OMA1: variants seen among roughly 807,000 people sequenced by gnomAD.
The protein encoded by OMA1 is metalloendopeptidase OMA1, mitochondrial.
OMA1 carries 38 observed loss-of-function variants against 30.9 expected under a neutral mutation model. The ratio of observed to expected loss-of-function variants is 1.23; its 90% CI spans 0.95 to 1.61. The LOEUF is 1.61. Among genes scored for constraint, OMA1 ranks in the 40% most tolerant of loss-of-function variants. OMA1 has a pLI of 0.00. For missense variants in OMA1, 461 were observed against 349.2 expected, an observed-to-expected ratio of 1.32 and a Z score of -2.55; for synonymous variants, 173 against 121.9, an observed-to-expected ratio of 1.42 and a Z score of -2.76.
Position 58,534,210 on chromosome 1 carries a change from T to C in OMA1, c.851A>G (p.Asn284Ser), listed in dbSNP as rs147173743. Residue 284 changes from asparagine (N) to serine (S), a missense_variant, in exon 4 of 9, where the codon AAT (asparagine) becomes AGT (serine). Asn to Ser is a conservative substitution (Grantham distance 46). Transcript: ENST00000371226. ...NKDVPGISQI[N>S]WVIHVVDSPI... Reference sequence around the variant, plus strand: ...GGAATCAACCACATGAATAACCCAATTGATCTGAGAGATCCCTGGAACATC... The same window carrying C: ...GGAATCAACCACATGAATAACCCAACTGATCTGAGAGATCCCTGGAACATC... The C allele has an allele frequency of 2.9e-5, 25 of 871,974 alleles. No individual in the cohort carries two copies. The highest frequency in any genetic ancestry group is 4.0e-5 in the Non-Finnish European group (20 of 501,482). The allele number at this position is 871,974 out of a possible 1,614,324, so 54.0% of individuals were successfully genotyped here. A position where few individuals can be genotyped will look rare whatever the true frequency, so the allele number is the denominator to read the frequency against.
In OMA1 at chr1:58,483,822, T is replaced by C. The variant is rs1171410789; in HGVS notation, c.1366-2648A>G. 2.0e-5 allele frequency among the ~76,000 whole-genome samples: 3 copies of C among 152,350 alleles called. No individual in the cohort carries two copies. The East Asian group carries it at 5.8e-4, about 29-fold the overall frequency. ...CAAAATTGGGACGTACGGTCACTCTTGCATTAGTTCCTTTACAATGATGTT... is the reference window on the plus strand; with the variant it reads ...CAAAATTGGGACGTACGGTCACTCTCGCATTAGTTCCTTTACAATGATGTT... On this transcript the variant is annotated intron_variant, in intron 8 of 8. Transcript: ENST00000371226.
chr1:58,487,701 T>C (rs977802359), intron 8 of OMA1, among the ~76,000 whole-genome samples: 2 of 152,002 alleles, frequency 1.3e-5, no homozygotes, highest in Non-Finnish European at 2.9e-5. Context: ...ATTTAGTAAT[T>C]TGTAATTTGT....
intron 8 of OMA1, among the ~76,000 whole-genome samples, chr1:58,487,337 C>T (rs767806301): frequency 6.6e-6 from 1 of 152,198 alleles, no homozygotes; most frequent in African/African-American, 2.4e-5. Context: ...GCTGCTCATG[C>T]ATTTGAGGAT....
At position 58,539,047 on chromosome 1, in the gene OMA1, G is replaced by C. The variant is rs747870985; in HGVS notation, c.248C>G (p.Ser83Ter). 3 of 872,860 alleles carry C rather than the reference G, an allele frequency of 3.4e-6. No homozygotes were observed. The highest frequency in any genetic ancestry group is 6.0e-6 in the Non-Finnish European group (3 of 501,632). 54.1% of individuals were successfully genotyped at this position (872,860 alleles called of 1,614,324 possible). The change falls in exon 2 of 9, where the codon TCA (serine) becomes TGA (stop). Residue 83 changes from serine to a stop codon, truncating the protein, a stop_gained. Transcript: ENST00000371226. LOFTEE classifies it high-confidence loss of function. Reference sequence around the variant, plus strand: ...CCAAATTTCCTTACTTTTGGTACTTGAGAGGCCTCCTGTTCTTTTGTTGTT... The same window carrying C: ...CCAAATTTCCTTACTTTTGGTACTTCAGAGGCCTCCTGTTCTTTTGTTGTT... ...TFNNKRTGGLSSTKSKEIWRI... is the reference protein window; with the variant it reads ...TFNNKRTGGL
At chr1:58,486,319 T>C (rs1336577369) in intron 8 of OMA1, among the ~76,000 whole-genome samples, 1 of 152,186 alleles carries the variant, frequency 6.6e-6, no homozygotes, top group East Asian at 1.9e-4. Flanking sequence ...TTTCTCCAAG[T>C]TACATGGCTG....
chr1:58,540,022 T>C (rs980898063), intron 1 of OMA1, among the ~76,000 whole-genome samples: 1 of 152,134 alleles, frequency 6.6e-6, no homozygotes, highest in Non-Finnish European at 1.5e-5. Context: ...GAAAATTCCC[T>C]GGAGCTGGGA....
chr1:58,533,975 G>A lies in OMA1; in HGVS notation c.989C>T (p.Ala330Val), dbSNP rs1404645553. 1 of 871,970 alleles carries A rather than the reference G, an allele frequency of 1.1e-6. No homozygotes were observed. Among genetic ancestry groups the A allele is most frequent in the East Asian group, 2.4e-5 (1 of 41,640 alleles). The allele number at this position is 871,970 out of a possible 1,614,324, so 54.0% of individuals were successfully genotyped here. A position where few individuals can be genotyped will look rare whatever the true frequency, so the allele number is the denominator to read the frequency against. ...QLSFLLGHEI[A>V]HAVLGHAAEK... Reference sequence around the variant, plus strand: ...TACAGCATGCCCAAGTACTGCATGTGCTATTTCATGGCCCAGAAGGAAAGA... The same window carrying A: ...TACAGCATGCCCAAGTACTGCATGTACTATTTCATGGCCCAGAAGGAAAGA... The change falls in exon 5 of 9, where the codon GCA becomes GTA. Residue 330 changes from alanine to valine, a missense_variant. Transcript: ENST00000371226.
chr1:58,483,083 C>T (rs909353838), intron 8 of OMA1, among the ~76,000 whole-genome samples: 3 of 152,188 alleles, frequency 2.0e-5, no homozygotes, highest in African/African-American at 7.2e-5. Context: ...AGTCCAGGTA[C>T]AAAACTAGAA....
intron 8 of OMA1, 60 bp downstream of exon 8, chr1:58,506,000 A>T: frequency 2.6e-6 from 2 of 779,978 alleles, no homozygotes; most frequent in Middle Eastern, 5.0e-4. Context: ...AAGAAGTGAC[A>T]GCATTAAAAA....
chr1:58,520,546 A>T (rs1488487195), intron 7 of OMA1, among the ~76,000 whole-genome samples: 2 of 152,240 alleles, frequency 1.3e-5, no homozygotes, highest in African/African-American at 2.4e-5. Context: ...AAAAAGGGCA[A>T]AGATAAAAAC....
intron 1 of OMA1, among the ~76,000 whole-genome samples, chr1:58,544,994 C>A (rs375012163): frequency 5.3e-5 from 8 of 152,122 alleles, no homozygotes; most frequent in Non-Finnish European, 1.0e-4. Context: ...TACTGCACTG[C>A]GAAGTGTTGG....
At chr1:58,536,052 AT>A (rs1413455485) in intron 3 of OMA1, among the ~76,000 whole-genome samples, 3 of 152,330 alleles carry the variant, frequency 2.0e-5, no homozygotes, top group African/African-American at 4.8e-5. Flanking sequence ...AATCAAAAAA[AT>A]AATTATGCAA....
At chr1:58,496,179 T>C (rs978000698) in intron 8 of OMA1, among the ~76,000 whole-genome samples, 4 of 151,948 alleles carry the variant, frequency 2.6e-5, no homozygotes, top group Admixed American at 1.3e-4. Flanking sequence ...CTTTTTTTTT[T>C]TGGCTTTGGG....
chr1:58,523,792 G>A (rs543069846), intron 7 of OMA1, among the ~76,000 whole-genome samples: 6 of 152,180 alleles, frequency 3.9e-5, no homozygotes, highest in African/African-American at 1.2e-4. Context: ...CCAGCTACTC[G>A]GGAGGCTGAG....
intron 8 of OMA1, among the ~76,000 whole-genome samples, chr1:58,488,459 CT>C (rs529647379): frequency 3.3e-5 from 5 of 151,072 alleles, no homozygotes; most frequent in East Asian, 1.9e-4. Context: ...AATGTGTAGT[CT>C]TTTTTTTTGA....
intron 8 of OMA1, among the ~76,000 whole-genome samples, chr1:58,499,827 T>A (rs1645877451): frequency 6.6e-6 from 1 of 151,492 alleles, no homozygotes; most frequent in Non-Finnish European, 1.5e-5. Context: ...AAAAAAAAAC[T>A]GGCTATATTT....
At position 58,530,631 on chromosome 1, in the gene OMA1, C is replaced by T. The variant is rs1478918340; in HGVS notation, c.1110G>A (p.Leu370=). The T allele has an allele frequency of 1.1e-6, 1 of 872,702 alleles. No individual in the cohort carries two copies. The highest frequency in any genetic ancestry group is 2.0e-6 in the Non-Finnish European group (1 of 501,546). 54.1% of individuals were successfully genotyped at this position (872,702 alleles called of 1,614,324 possible). A position where few individuals can be genotyped will look rare whatever the true frequency, so the allele number is the denominator to read the frequency against. The change falls in exon 6 of 9, where the codon TTG becomes TTA. Residue 370 remains leucine (L), a synonymous_variant. Coordinates refer to ENST00000371226, the MANE Select transcript of OMA1 (RefSeq NM_145243.5). ...AICPRDSLAL[L]CQWIQSKLQE... ...GCAATTTAGACTGTATCCACTGGCA[C>T]AAAAGTGCCAAGCTATCTCGAGGAC...
chr1:58,530,650 C>T lies in OMA1; in HGVS notation c.1091G>A (p.Arg364Gln), dbSNP rs140332358. The change falls in exon 6 of 9, where the codon CGA becomes CAA. Residue 364 changes from arginine to glutamine, a missense_variant. Arg to Gln is a conservative substitution (Grantham distance 43). Coordinates refer to ENST00000371226, the MANE Select transcript of OMA1 (RefSeq NM_145243.5). ...CTGGCACAAAAGTGCCAAGCTATCT[C>T]GAGGACAAATGGCCCAAATCATTGT... ...FLTMIWAICPRDSLALLCQWI... is the reference protein window; with the variant it reads ...FLTMIWAICPQDSLALLCQWI... 8.0e-6 allele frequency: 7 copies of T among 872,638 alleles called. No homozygotes were observed. Among genetic ancestry groups the T allele is most frequent in the East Asian group, 2.4e-5 (1 of 41,666 alleles). 54.1% of individuals were successfully genotyped at this position (872,638 alleles called of 1,614,324 possible).
intron 8 of OMA1, among the ~76,000 whole-genome samples, chr1:58,501,035 T>C (rs1178709993): frequency 2.0e-5 from 3 of 152,200 alleles, no homozygotes. Flanking sequence ...TGCTCTTCAT[T>C]TTTTCACCCA....
Sources: allele counts gnomAD v4.1 joint callset (sites outside exome capture counted in the v4.1 genomes callset), GRCh38; gene constraint gnomAD v4.1.1; transcripts MANE v1.5; gene names NCBI Gene and HGNC (gene_info 2026-07-23, HGNC 2026-07-21).